The following TTC7B variants were observed in gnomAD, a reference collection of about 807,000 sequenced individuals.
TTC7B encodes the protein tetratricopeptide repeat domain 7B, also known as tetratricopeptide repeat protein 7B.
TTC7B carries 28 observed loss-of-function variants against 106.8 expected under a neutral mutation model. The observed-to-expected ratio is 0.26, with a 90% CI of 0.19 to 0.36. The LOEUF (loss-of-function observed/expected upper bound fraction) is 0.36, where lower values mean the gene tolerates loss of function less well. Among genes scored for constraint, TTC7B ranks in the 10% least tolerant of loss-of-function variants. The pLI is 1.00. For missense variants in TTC7B, 862 were observed against 1,076.4 expected, an observed-to-expected ratio of 0.80 and a Z score of 2.79; for synonymous variants, 405 against 430.6, an observed-to-expected ratio of 0.94 and a Z score of 0.74.
At chr14:90,776,621 C>T (rs1891040337) in intron 3 of TTC7B, among the ~76,000 whole-genome samples, 1 of 152,106 alleles carries the variant, frequency 6.6e-6, no homozygotes, top group African/African-American at 2.4e-5. Context: ...GTAGAGGAAC[C>T]AAGGGCAGGA....
Position 90,718,733 on chromosome 14 carries a change from G to A in TTC7B, c.698+11342C>T, listed in dbSNP as rs374160964. 4.0e-5 allele frequency among the ~76,000 whole-genome samples: 6 copies of A among 151,892 alleles called. No homozygotes were observed. The East Asian group carries it at 7.7e-4, about 20-fold the overall frequency. ...AGATAGACATCTATGAGCCACAGCC[G>A]TCTCAGCTGAAAATGAAAAGTACAT... On this transcript the variant is annotated intron_variant, in intron 5 of 19. Coordinates refer to ENST00000328459, the MANE Select transcript of TTC7B (RefSeq NM_001010854.2).
Position 90,741,051 on chromosome 14 carries a change from G to A in TTC7B, c.576+3741C>T, listed in dbSNP as rs556939757. Reference sequence around the variant, plus strand: ...AGACGAGGATCCTGAGATACAGAGAGGCTGAGCAACTGCCCAAAGTCCCAC... The same window carrying A: ...AGACGAGGATCCTGAGATACAGAGAAGCTGAGCAACTGCCCAAAGTCCCAC... On this transcript the variant is annotated intron_variant, in intron 4 of 19. Transcript: ENST00000328459. 2.0e-3 allele frequency among the ~76,000 whole-genome samples: 297 copies of A among 152,250 alleles called. 5 individuals carry two copies. Among genetic ancestry groups the A allele is most frequent in the African/African-American group, 7.0e-3 (289 of 41,550 alleles).
chr14:90,701,690 GTA>G (rs71461917), intron 5 of TTC7B, among the ~76,000 whole-genome samples: 86 of 77,402 alleles, frequency 1.1e-3, no homozygotes, highest in East Asian at 1.8e-3. Context: ...CAAAAGAAAC[GTA>G]TATATATATA....
intron 3 of TTC7B, among the ~76,000 whole-genome samples, chr14:90,779,882 G>A (rs1891152153): frequency 6.6e-6 from 1 of 152,186 alleles, no homozygotes; most frequent in African/African-American, 2.4e-5. Flanking sequence ...TCCCTGAATA[G>A]GTACACAGTT....
chr14:90,722,649 C>A (rs1246230471), intron 5 of TTC7B, among the ~76,000 whole-genome samples: 2 of 152,226 alleles, frequency 1.3e-5, no homozygotes, highest in African/African-American at 4.8e-5. Context: ...TCCTCAACTT[C>A]CCCTGTCCAG....
At chr14:90,591,273 A>T (rs1891947735) in intron 18 of TTC7B, among the ~76,000 whole-genome samples, 1 of 152,194 alleles carries the variant, frequency 6.6e-6, no homozygotes, top group South Asian at 2.1e-4. Flanking sequence ...CCCAGCAGGC[A>T]GAGGTTGCAG....
At position 90,757,967 on chromosome 14, in the gene TTC7B, A is replaced by G. The variant is rs1275242315; in HGVS notation, c.446-13045T>C. 1.3e-5 allele frequency among the ~76,000 whole-genome samples: 2 copies of G among 152,084 alleles called. No homozygotes were observed. The highest frequency in any genetic ancestry group is 2.9e-5 in the Non-Finnish European group (2 of 68,006). On this transcript the variant is annotated intron_variant, in intron 3 of 19. Coordinates refer to ENST00000328459, the MANE Select transcript of TTC7B (RefSeq NM_001010854.2). This position sits in a 1 kb window ranked among gnomAD's most constrained non-coding sequence, Gnocchi z 4.1. ...AATGTTTAACGTATTAAATGCTGTC[A>G]GCTTCTACGAGAGTCTCTATAAATA...
In TTC7B at chr14:90,663,748, A is replaced by G. The variant is rs1356335642; in HGVS notation, c.1153-5361T>C. On this transcript the variant is annotated intron_variant, in intron 9 of 19. Transcript: ENST00000328459. This position sits in a 1 kb window ranked among gnomAD's most constrained non-coding sequence, Gnocchi z 4.5. ...CCATGAGGGTGTCCTAAAGAGAGTT[A>G]GGAAATCTGGGTCAATTACAGATTA... is the stretch of plus-strand genomic sequence containing the variant. Among the ~76,000 whole-genome samples the G allele has an allele frequency of 3.3e-5, 5 of 152,338 alleles. No individual in the cohort carries two copies. The East Asian group carries it at 9.6e-4, about 29-fold the overall frequency.
chr14:90,709,128 T>C (rs1183870273), intron 5 of TTC7B, among the ~76,000 whole-genome samples: 1 of 152,010 alleles, frequency 6.6e-6, no homozygotes. Context: ...GTTGGTGTGG[T>C]GATTCCTCAG....
intron 5 of TTC7B, among the ~76,000 whole-genome samples, chr14:90,715,697 A>T (rs574220705): frequency 1.2e-4 from 18 of 152,158 alleles, no homozygotes; most frequent in Non-Finnish European, 2.2e-4. Flanking sequence ...CAGGATCCAG[A>T]GTCAGTGCTG....
At chr14:90,632,561 CT>C (rs1884747441) in intron 15 of TTC7B, among the ~76,000 whole-genome samples, 1 of 152,196 alleles carries the variant, frequency 6.6e-6, no homozygotes, top group Non-Finnish European at 1.5e-5. Flanking sequence ...TCCTGCTCAT[CT>C]GGGTTATAAG....
At chr14:90,586,838 C>T (rs1392242319) in intron 18 of TTC7B, among the ~76,000 whole-genome samples, 4 of 152,214 alleles carry the variant, frequency 2.6e-5, no homozygotes, top group Admixed American at 2.6e-4. Context: ...CTCCCTGACT[C>T]CAACTCATCA....
At chr14:90,692,559 C>T (rs1394663102) in intron 6 of TTC7B, among the ~76,000 whole-genome samples, 1 of 152,200 alleles carries the variant, frequency 6.6e-6, no homozygotes, top group Non-Finnish European at 1.5e-5. Context: ...TGAGAGTCAA[C>T]AATATGAACA....
intron 7 of TTC7B, among the ~76,000 whole-genome samples, chr14:90,687,638 C>T (rs1887298413): frequency 6.6e-6 from 1 of 152,124 alleles, no homozygotes; most frequent in African/African-American, 2.4e-5. Context: ...AAATGAACCC[C>T]AAACCTGCTT....
chr14:90,629,834 A>C (rs745581645), intron 15 of TTC7B, among the ~76,000 whole-genome samples: 1 of 152,252 alleles, frequency 6.6e-6, no homozygotes, highest in Non-Finnish European at 1.5e-5. Flanking sequence ...CCCGGCGGTC[A>C]GCCAGTGCTC....
chr14:90,809,750 T>C (rs1434965548), intron 1 of TTC7B, among the ~76,000 whole-genome samples: 1 of 152,232 alleles, frequency 6.6e-6, no homozygotes. Flanking sequence ...CAACTCCATG[T>C]CATGGGGCCA....
At chr14:90,754,643 T>C (rs926049634) in intron 3 of TTC7B, among the ~76,000 whole-genome samples, 9 of 152,064 alleles carry the variant, frequency 5.9e-5, no homozygotes, top group Admixed American at 2.6e-4. Flanking sequence ...GTTCGGTGGT[T>C]TTAGTATGTT....
intron 3 of TTC7B, among the ~76,000 whole-genome samples, chr14:90,754,920 T>G (rs1204533708): frequency 6.6e-6 from 1 of 152,260 alleles, no homozygotes; most frequent in Non-Finnish European, 1.5e-5. Flanking sequence ...TTCATCCTTT[T>G]TTTTCAATTG....
At chr14:90,771,847 T>C (rs1890874561) in intron 3 of TTC7B, among the ~76,000 whole-genome samples, 1 of 149,188 alleles carries the variant, frequency 6.7e-6, no homozygotes, top group South Asian at 2.1e-4. Context: ...GTATGGTACC[T>C]GACTTTATTT....
Sources: allele counts gnomAD v4.1 joint callset (sites outside exome capture counted in the v4.1 genomes callset), GRCh38; gene constraint gnomAD v4.1.1; non-coding constraint Gnocchi (gnomAD v3.1); transcripts MANE v1.5; gene names NCBI Gene and HGNC (gene_info 2026-07-23, HGNC 2026-07-21).